Variants in ZNF837 observed in about 807,000 individuals in gnomAD.
The protein encoded by ZNF837 is zinc finger protein 837.
For missense variants in ZNF837, 955 were observed against 801.7 expected (o/e 1.19, Z -2.31); for synonymous variants, 475 against 365.2 (o/e 1.30, Z -3.43).
At chr19:58,374,322 T>G (rs2052224107) in intron 1 of ZNF837, among the ~76,000 whole-genome samples, 1 of 152,154 alleles carries the variant, frequency 6.6e-6, no homozygotes, top group Non-Finnish European at 1.5e-5. Context: ...AAATAAGATG[T>G]GGTATATCCA....
intron 1 of ZNF837, among the ~76,000 whole-genome samples, chr19:58,373,865 T>C (rs2122126532): frequency 6.6e-6 from 1 of 152,312 alleles, no homozygotes; most frequent in South Asian, 2.1e-4. Context: ...ACGGACTCAC[T>C]GTGTGAATAA....
At chr19:58,379,317 G>C (rs1024007567) in intron 1 of ZNF837, among the ~76,000 whole-genome samples, 18 of 152,276 alleles carry the variant, frequency 1.2e-4, no homozygotes, top group African/African-American at 4.1e-4. Context: ...CCTGCTCCCA[G>C]GGGTGGCTCC....
rs770204146 is a variant in ZNF837 at position 58,368,286 on chromosome 19, C to T, written c.1047G>A (p.Glu349=). 4.1e-5 allele frequency: 61 copies of T among 1,482,304 alleles called. No homozygotes were observed. The African/African-American group carries it at 5.5e-4, about 13-fold the overall frequency. 91.8% of individuals were successfully genotyped at this position (1,482,304 alleles called of 1,614,324 possible). ...CTCCCGACCCCCGTCGGGGACTCCGCTCGCTGTAGTCCCCGCAGGGCGGGC... is the reference window on the plus strand; with the variant it reads ...CTCCCGACCCCCGTCGGGGACTCCGTTCGCTGTAGTCCCCGCAGGGCGGGC... The part of the protein sequence containing the change: ...LGCPPCGDYS[E]RSPRRGSGAG... Residue 349 remains glutamate, a synonymous_variant, in exon 3 of 3, where the codon GAG becomes GAA. Coordinates refer to ENST00000597582, the MANE Select transcript of ZNF837 (RefSeq NM_138466.2).
rs954037652 is a variant in ZNF837, at chr19:58,367,945, C to A, written c.1388G>T (p.Arg463Leu). The A allele has an allele frequency of 8.5e-6, 13 of 1,533,070 alleles. No homozygotes were observed. The highest frequency in any genetic ancestry group is 2.0e-5 in the Admixed American group (1 of 50,574). The allele number at this position is 1,533,070 out of a possible 1,614,324, so 95.0% of individuals were successfully genotyped here. A position where few individuals can be genotyped will look rare whatever the true frequency, so the allele number is the denominator to read the frequency against. Residue 463 changes from arginine to leucine, a missense_variant, in exon 3 of 3, where the codon CGC (arginine) becomes CTC (leucine). Transcript: ENST00000597582. Reference protein sequence around the residue: ...GKTFRGCSELRQHERLHSGEK... With the variant: ...GKTFRGCSELLQHERLHSGEK... ...GCCCGAGTGCAGGCGCTCGTGCTGG[C>A]GCAGCTCGGAGCAGCCGCGGAAGGT...
intron 1 of ZNF837, among the ~76,000 whole-genome samples, chr19:58,375,309 T>TATATATATAA (rs1429633854): frequency 6.5e-4 from 27 of 41,764 alleles, no homozygotes; most frequent in African/African-American, 1.3e-3. Context: ...TATATATATA[T>TATATATATAA]ATAAAATTAC....
chr19:58,373,213 G>A (rs1263016475), intron 1 of ZNF837, among the ~76,000 whole-genome samples: 3 of 152,164 alleles, frequency 2.0e-5, no homozygotes, highest in African/African-American at 7.2e-5. Context: ...ATCCTTCCTC[G>A]ATCTCCCTCC....
intron 1 of ZNF837, among the ~76,000 whole-genome samples, chr19:58,378,748 C>T (rs556763459): frequency 2.0e-5 from 3 of 152,258 alleles, no homozygotes; most frequent in African/African-American, 7.2e-5. Context: ...ATGAGATCAC[C>T]CTGAATAACC....
rs570067673 is a variant in ZNF837 at position 58,368,248 on chromosome 19, G to C, written c.1085C>G (p.Pro362Arg). ...CTTGGCGCAGTCGGCGCACTCGTAC[G>C]GCTTCTCCCCGGCTCCCGACCCCCG... is the stretch of plus-strand genomic sequence containing the variant. ...PRRGSGAGEK[P>R]YECADCAKAF... The change falls in exon 3 of 3, where the codon CCG (proline) becomes CGG (arginine). Residue 362 changes from proline (P) to arginine (R), a missense_variant. Physicochemically the swap from Pro to Arg is moderately radical, Grantham distance 103. Coordinates refer to ENST00000597582, the MANE Select transcript of ZNF837 (RefSeq NM_138466.2). 1.3e-6 allele frequency: 2 copies of C among 1,498,802 alleles called. No homozygotes were observed. Among genetic ancestry groups the C allele is most frequent in the Non-Finnish European group, 1.8e-6 (2 of 1,127,928 alleles). The allele number at this position is 1,498,802 out of a possible 1,614,324, so 92.8% of individuals were successfully genotyped here.
rs59075587 is a variant in ZNF837 at position 58,376,554 on chromosome 19, CAAAAAAAAAAAAAAAAAAAAAAAAA to C, written c.-140+4362_-140+4386del. ...TGGGTGACAGAGCAAGACTCTGTCT[CAAAAAAAAAAAAAAAAAAAAAAAAA>C]AAAAAAAAAAAAGAAAGAAAAGAAA... On this transcript the variant is annotated intron_variant, in intron 1 of 2. Coordinates refer to ENST00000597582, the MANE Select transcript of ZNF837 (RefSeq NM_138466.2). Among the ~76,000 whole-genome samples, 172 of 67,810 alleles carry C rather than the reference CAAAAAAAAAAAAAAAAAAAAAAAAA, an allele frequency of 2.5e-3. 3 individuals are homozygous for C. The highest frequency in any genetic ancestry group is 0.016 in the Admixed American group (90 of 5,756). 44.5% of individuals were successfully genotyped at this position (67,810 alleles called of 152,430 possible). A position where few individuals can be genotyped will look rare whatever the true frequency, so the allele number is the denominator to read the frequency against.
chr19:58,374,460 T>C (rs1477762004), intron 1 of ZNF837, among the ~76,000 whole-genome samples: 2 of 152,248 alleles, frequency 1.3e-5, no homozygotes, highest in East Asian at 3.9e-4. Context: ...ATTCCATTTA[T>C]ACGATATATC....
intron 1 of ZNF837, among the ~76,000 whole-genome samples, chr19:58,371,133 C>T (rs1270832316): frequency 1.3e-5 from 2 of 150,956 alleles, no homozygotes; most frequent in Middle Eastern, 3.4e-3. Context: ...CCCAGCTACT[C>T]GGGAGGCTGC....
rs934425225 is a variant in ZNF837 at position 58,367,976 on chromosome 19, C to G, written c.1357G>C (p.Gly453Arg). ...TCGGAGCAGCCGCGGAAGGTCTTTC[C>G]GCACTCGGAGCAGCCATAGGGCCGC... ...GERPYGCSEC[G>R]KTFRGCSELR... The change falls in exon 3 of 3, where the codon GGA (glycine) becomes CGA (arginine). Residue 453 changes from glycine to arginine, a missense_variant. Coordinates refer to ENST00000597582, the MANE Select transcript of ZNF837 (RefSeq NM_138466.2). The G allele has an allele frequency of 7.2e-6, 11 of 1,532,328 alleles. No homozygotes were observed. The African/African-American group carries it at 1.4e-4, about 19-fold the overall frequency. The allele number at this position is 1,532,328 out of a possible 1,614,324, so 94.9% of individuals were successfully genotyped here.
intron 1 of ZNF837, among the ~76,000 whole-genome samples, chr19:58,378,956 C>T (rs2052270118): frequency 6.6e-6 from 1 of 152,214 alleles, no homozygotes; most frequent in Admixed American, 6.5e-5. Flanking sequence ...GAGCACAGTA[C>T]TGCTGACACC....
In ZNF837 at chr19:58,369,192, C is replaced by T; in HGVS notation, c.141G>A (p.Lys47=). 1 of 1,449,482 alleles carries T rather than the reference C, an allele frequency of 6.9e-7. No homozygotes were observed. Among genetic ancestry groups the T allele is most frequent in the Non-Finnish European group, 9.1e-7 (1 of 1,101,864 alleles). The allele number at this position is 1,449,482 out of a possible 1,614,324, so 89.8% of individuals were successfully genotyped here. Residue 47 remains lysine, a synonymous_variant, in exon 3 of 3, where the codon AAG becomes AAA. Transcript: ENST00000597582. ...EDRAGSRPTQ[K]GDLRGAAGGR... ...CGCCCGCCGCTCCACGCAGGTCCCC[C>T]TTTTGAGTGGGGCGGCTCCCAGCTC... is the stretch of plus-strand genomic sequence containing the variant.
intron 1 of ZNF837, among the ~76,000 whole-genome samples, chr19:58,377,231 G>T (rs559279626): frequency 1.2e-5 from 1 of 82,544 alleles, no homozygotes; most frequent in Non-Finnish European, 2.5e-5. Context: ...AAAAAAAAAA[G>T]GCTGGGCGCA....
intron 1 of ZNF837, among the ~76,000 whole-genome samples, chr19:58,376,412 G>A (rs1296526253): frequency 5.3e-5 from 8 of 151,312 alleles, no homozygotes; most frequent in Admixed American, 3.3e-4. Flanking sequence ...AAAATTAGCC[G>A]GGTGTGGTGG....
At chr19:58,378,782 C>T (rs1373916125) in intron 1 of ZNF837, among the ~76,000 whole-genome samples, 1 of 152,162 alleles carries the variant, frequency 6.6e-6, no homozygotes, top group Non-Finnish European at 1.5e-5. Context: ...ATTCCAATGA[C>T]AGGTGTCCTT....
intron 1 of ZNF837, among the ~76,000 whole-genome samples, chr19:58,378,513 C>A (rs1315046542): frequency 6.6e-6 from 1 of 152,162 alleles, no homozygotes; most frequent in African/African-American, 2.4e-5. Context: ...GGGCTGAGGA[C>A]TTCCCAGGGT....
At chr19:58,378,136 G>T (rs1391806051) in intron 1 of ZNF837, among the ~76,000 whole-genome samples, 1 of 152,184 alleles carries the variant, frequency 6.6e-6, no homozygotes, top group Non-Finnish European at 1.5e-5. Context: ...TGCCAGGCTG[G>T]GATCTGAGGT....
Sources: allele counts gnomAD v4.1 joint callset (sites outside exome capture counted in the v4.1 genomes callset), GRCh38; gene constraint gnomAD v4.1.1; transcripts MANE v1.5; gene names NCBI Gene and HGNC (gene_info 2026-07-23, HGNC 2026-07-21).